The following PHACTR3 variants were observed in gnomAD, a reference collection of about 807,000 sequenced individuals.
The protein encoded by PHACTR3 is phosphatase and actin regulator 3, also known as protein phosphatase 1, regulatory subunit 123.
A neutral mutation model predicts 66.8 loss-of-function variants in PHACTR3; 16 were observed. That is an observed-to-expected ratio of 0.24 (90% CI 0.16 to 0.36). The LOEUF is 0.36. PHACTR3 is among the 10% of genes least tolerant of loss of function. PHACTR3 has a pLI of 1.00. For synonymous variants in PHACTR3, 323 were observed against 292.1 expected (o/e 1.11, Z -1.08); for missense variants, 647 against 719.9 (o/e 0.90, Z 1.16).
At chr20:59,651,816 C>A (rs1335598305) in intron 1 of PHACTR3, among the ~76,000 whole-genome samples, 1 of 150,744 alleles carries the variant, frequency 6.6e-6, no homozygotes, top group Non-Finnish European at 1.5e-5. Flanking sequence ...ACCCAACCAA[C>A]AGGATCTTTT....
intron 1 of PHACTR3, among the ~76,000 whole-genome samples, chr20:59,578,252 G>T (rs546494301): frequency 6.6e-6 from 1 of 152,258 alleles, no homozygotes; most frequent in African/African-American, 2.4e-5. Context: ...GTTGAGGACG[G>T]GGAGTGGCCT....
At chr20:59,810,676 C>T (rs1036117436) in intron 8 of PHACTR3, among the ~76,000 whole-genome samples, 4 of 152,214 alleles carry the variant, frequency 2.6e-5, no homozygotes, top group African/African-American at 4.8e-5. Flanking sequence ...TGGGCCTTTT[C>T]CTGGTGAAGC....
chr20:59,808,983 C>T (rs2426845), intron 8 of PHACTR3, among the ~76,000 whole-genome samples: 38,188 of 152,076 alleles, frequency 0.25, 5,186 homozygotes, highest in Middle Eastern at 0.33. Context: ...CACCGCCCAA[C>T]GTCCCCTGAG....
At chr20:59,586,190 C>T (rs554292000) in intron 1 of PHACTR3, among the ~76,000 whole-genome samples, 6 of 152,332 alleles carry the variant, frequency 3.9e-5, no homozygotes, top group African/African-American at 1.4e-4. Context: ...GCACAGACTT[C>T]CTGCCTCCTG....
chr20:59,584,363 T>C (rs924865750), intron 1 of PHACTR3, among the ~76,000 whole-genome samples: 2 of 150,464 alleles, frequency 1.3e-5, no homozygotes, highest in Non-Finnish European at 3.0e-5. Context: ...GTGTGCGTGA[T>C]TGTGTGTGTG....
In PHACTR3 at chr20:59,611,574, A is replaced by AAGGAGG. The variant is rs144094385; in HGVS notation, c.118+6456_118+6461dup. Among the ~76,000 whole-genome samples the AAGGAGG allele has an allele frequency of 2.6e-5, 4 of 152,052 alleles. No individual in the cohort carries two copies. The East Asian group carries it at 7.7e-4, about 29-fold the overall frequency. ...GGCCATTCTCAGCAAATGGTGGAGG[A>AAGGAGG]AGGAGGAGGAGGAGGAGGATGTGGT... On this transcript the variant is annotated intron_variant, in intron 1 of 12. Transcript: ENST00000371015.
At chr20:59,787,350 T>C (rs1387769436) in intron 7 of PHACTR3, among the ~76,000 whole-genome samples, 1 of 151,996 alleles carries the variant, frequency 6.6e-6, no homozygotes, top group African/African-American at 2.4e-5. Context: ...TGAGCTGAGA[T>C]CCAGAGGAGG....
Position 59,743,161 on chromosome 20 carries a change from G to A in PHACTR3, c.173G>A (p.Arg58Gln), listed in dbSNP as rs1014922951. ...CCTGAATATCTGGTCTCAGGGATTC[G>A]AACTCCCCCTGTGAGGAGGAACAGC... ...ARPEYLVSGI[R>Q]TPPVRRNSKL... Residue 58 changes from arginine (R) to glutamine (Q), a missense_variant, in exon 2 of 13, where the codon CGA (arginine) becomes CAA (glutamine). Arg to Gln is a conservative substitution (Grantham distance 43). Transcript: ENST00000371015. 11 of 1,613,928 alleles carry A rather than the reference G, an allele frequency of 6.8e-6. No homozygotes were observed. The highest frequency in any genetic ancestry group is 6.7e-5 in the East Asian group (3 of 44,880).
chr20:59,784,300 A>ATG (rs1390652520), intron 7 of PHACTR3, among the ~76,000 whole-genome samples: 1 of 143,688 alleles, frequency 7.0e-6, no homozygotes, highest in African/African-American at 2.9e-5. Context: ...ATGCACATAT[A>ATG]TGTGTGTGTG....
At chr20:59,741,754 C>CTTTT (rs5842281) in intron 1 of PHACTR3, among the ~76,000 whole-genome samples, 1 of 139,392 alleles carries the variant, frequency 7.2e-6, no homozygotes. Flanking sequence ...TTCTTTCTTT[C>CTTTT]TTTTTTTTTT....
chr20:59,682,908 T>C (rs1428404429), intron 1 of PHACTR3, among the ~76,000 whole-genome samples: 2 of 152,166 alleles, frequency 1.3e-5, no homozygotes, highest in Non-Finnish European at 2.9e-5. Flanking sequence ...GCTTTTGCTC[T>C]GAGTGTGACG....
At chr20:59,653,832 AT>A (rs2035534071) in intron 1 of PHACTR3, among the ~76,000 whole-genome samples, 1 of 152,208 alleles carries the variant, frequency 6.6e-6, no homozygotes, top group Admixed American at 6.5e-5. Flanking sequence ...TATCTATTTC[AT>A]AACTCTGTCT....
intron 1 of PHACTR3, among the ~76,000 whole-genome samples, chr20:59,590,385 G>A (rs1480453777): frequency 6.6e-5 from 10 of 152,138 alleles, no homozygotes; most frequent in Non-Finnish European, 1.5e-4. Context: ...GGATGAGCTG[G>A]GACAGGACAT....
intron 1 of PHACTR3, among the ~76,000 whole-genome samples, chr20:59,701,907 T>C (rs2037520203): frequency 6.6e-6 from 1 of 152,214 alleles, no homozygotes; most frequent in South Asian, 2.1e-4. Flanking sequence ...GATCTTTTGG[T>C]TGTCACTATG....
chr20:59,638,188 G>A (rs748037416), intron 1 of PHACTR3, among the ~76,000 whole-genome samples: 1 of 152,148 alleles, frequency 6.6e-6, no homozygotes, highest in Non-Finnish European at 1.5e-5. Context: ...TGCTCTTGTA[G>A]TACTTAGAAA....
At chr20:59,824,491 C>T (rs1257456891) in intron 8 of PHACTR3, among the ~76,000 whole-genome samples, 4 of 152,224 alleles carry the variant, frequency 2.6e-5, no homozygotes, top group African/African-American at 9.6e-5. Context: ...GAGCCTTCCA[C>T]ATAAGGGCTA....
intron 1 of PHACTR3, among the ~76,000 whole-genome samples, chr20:59,651,346 T>A (rs1293689103): frequency 1.3e-5 from 2 of 152,264 alleles, no homozygotes; most frequent in African/African-American, 4.8e-5. Context: ...AATTATGAAC[T>A]ATTGCCTCTA....
At chr20:59,761,243 C>A (rs2039983866) in intron 4 of PHACTR3, among the ~76,000 whole-genome samples, 1 of 152,084 alleles carries the variant, frequency 6.6e-6, no homozygotes, top group Admixed American at 6.5e-5. Flanking sequence ...TGCCCTGCTC[C>A]TGTCTTCCTA....
intron 1 of PHACTR3, among the ~76,000 whole-genome samples, chr20:59,696,797 G>A (rs189583618): frequency 1.4e-4 from 22 of 152,220 alleles, no homozygotes; most frequent in Admixed American, 6.5e-4. Context: ...GCAGGGCCTC[G>A]GCTCTGCTTT....
Sources: allele counts gnomAD v4.1 joint callset (sites outside exome capture counted in the v4.1 genomes callset), GRCh38; gene constraint gnomAD v4.1.1; transcripts MANE v1.5; gene names NCBI Gene and HGNC (gene_info 2026-07-23, HGNC 2026-07-21).